ZNF682: variants seen among roughly 807,000 people sequenced by gnomAD.
The protein encoded by ZNF682 is zinc finger protein 682.
ZNF682 carries 29 observed loss-of-function variants against 36.5 expected under a neutral mutation model. The observed-to-expected ratio is 0.80, with a 90% CI of 0.59 to 1.08. The LOEUF is 1.08. Ranked by LOEUF, ZNF682 falls within the 50% of genes least tolerant of loss-of-function variation. ZNF682 has a pLI of 0.00. For missense variants in ZNF682, 561 were observed against 579.7 expected, an observed-to-expected ratio of 0.97 and a Z score of 0.33; for synonymous variants, 180 against 197.0, an observed-to-expected ratio of 0.91 and a Z score of 0.72.
intron 1 of ZNF682, among the ~76,000 whole-genome samples, chr19:20,025,895 G>A (rs8106847): frequency 0.79 from 119,654 of 152,070 alleles, 47,200 homozygotes; most frequent in Middle Eastern, 0.88. Flanking sequence ...ATGTATTTAA[G>A]TAGCCTTTCC....
chr19:20,037,599 C>CT (rs1245524862), intron 1 of ZNF682, among the ~76,000 whole-genome samples: 22 of 151,878 alleles, frequency 1.4e-4, no homozygotes, highest in Admixed American at 1.4e-3. Flanking sequence ...ATTTTCCCGC[C>CT]CCATCCTGCT....
rs183288416 is a variant in ZNF682 at position 20,021,081 on chromosome 19, C to A, written c.226+1923G>T. Among the ~76,000 whole-genome samples, 53 of 152,178 alleles carry A rather than the reference C, an allele frequency of 3.5e-4. 1 individual carries two copies. The highest frequency in any genetic ancestry group is 1.3e-3 in the African/African-American group (53 of 41,506). On this transcript the variant is annotated intron_variant, in intron 3 of 3. Transcript: ENST00000397165. ...ACAGTGGAAGAATTGTCTTGGGCCA[C>A]GCATAAAATACACTAACACTAATGG...
chr19:20,001,344 G>A (rs917497406), downstream of ZNF682, among the ~76,000 whole-genome samples: 2 of 152,184 alleles, frequency 1.3e-5, no homozygotes, highest in African/African-American at 2.4e-5. Context: ...GGGGGAATGT[G>A]CTGTACCAAA....
At chr19:20,009,122 A>G (rs1171425518) in intron 3 of ZNF682, among the ~76,000 whole-genome samples, 1 of 152,228 alleles carries the variant, frequency 6.6e-6, no homozygotes, top group Non-Finnish European at 1.5e-5. Flanking sequence ...CTGGCAATAC[A>G]GAAAGCCAGA....
intron 2 of ZNF682, among the ~76,000 whole-genome samples, chr19:20,023,496 CA>C (rs933876958): frequency 6.7e-6 from 1 of 148,196 alleles, no homozygotes; most frequent in Non-Finnish European, 1.5e-5. Context: ...GACTCCATCT[CA>C]AAAAAAAAGA....
intron 1 of ZNF682, among the ~76,000 whole-genome samples, chr19:20,025,245 G>A (rs1257641821): frequency 6.6e-6 from 1 of 152,152 alleles, no homozygotes; most frequent in African/African-American, 2.4e-5. Context: ...AGAAAGGGAA[G>A]TTTGCAGATT....
rs1375377776 is a variant in ZNF682 at position 20,039,389 on chromosome 19, A to G, written c.-44T>C. ...TCGTGGAGTCTTAGCTCTGGATCTC[A>G]CAGCATCTGCAAGTCAGAGGGCAAC... On this transcript the variant is annotated 5_prime_UTR_variant, in exon 1 of 4. An upstream open reading frame in the 5' UTR loses its in-frame stop. Coordinates refer to ENST00000397165, the MANE Select transcript of ZNF682 (RefSeq NM_033196.3). 6.2e-7 allele frequency: 1 copy of G among 1,609,216 alleles called. No homozygotes were observed.
chr19:20,015,685 C>T (rs1205952816), intron 3 of ZNF682: 2 of 388,456 alleles, frequency 5.1e-6, no homozygotes, highest in Non-Finnish European at 9.1e-6. Flanking sequence ...CAAGAGCATA[C>T]AGTTAGAGCA....
intron 3 of ZNF682, among the ~76,000 whole-genome samples, chr19:20,012,506 G>A (rs909197669): frequency 2.0e-5 from 3 of 152,080 alleles, no homozygotes; most frequent in African/African-American, 7.2e-5. Context: ...GGTGGCTCAC[G>A]CCTGTAATCC....
At chr19:20,021,651 G>A (rs751762187) in intron 3 of ZNF682, among the ~76,000 whole-genome samples, 1 of 151,900 alleles carries the variant, frequency 6.6e-6, no homozygotes, top group Non-Finnish European at 1.5e-5. Context: ...GTAACCACAC[G>A]GTCCCCACAC....
chr19:20,033,127 C>T (rs530667889), intron 1 of ZNF682, among the ~76,000 whole-genome samples: 2 of 152,066 alleles, frequency 1.3e-5, no homozygotes, highest in South Asian at 4.2e-4. Flanking sequence ...ATTAGCCAGG[C>T]GTTGTGGTGG....
At chr19:20,028,994 T>TTTC (rs2122377920) in intron 1 of ZNF682, among the ~76,000 whole-genome samples, 1 of 151,546 alleles carries the variant, frequency 6.6e-6, no homozygotes, top group East Asian at 2.0e-4. Flanking sequence ...TTTTTTTTTT[T>TTTC]TGGAGATAGA....
At chr19:20,011,129 T>C (rs542493565) in intron 3 of ZNF682, among the ~76,000 whole-genome samples, 1 of 151,228 alleles carries the variant, frequency 6.6e-6, no homozygotes, top group East Asian at 1.9e-4. Context: ...ATCACACAAA[T>C]GGGAAAAAAA....
Position 20,006,608 on chromosome 19 carries a change from T to C in ZNF682, c.894A>G (p.Ser298=), listed in dbSNP as rs2088223786. Residue 298 remains serine, a synonymous_variant, in exon 4 of 4, where the codon TCA becomes TCG. Transcript: ENST00000397165. The part of the protein sequence containing the change: ...EDCGRAFNRH[S]HLTKHKTIHT... ...GAATTGTCTTATGTTTGGTGAGATGTGAGTGCCGGTTAAACGCTCTGCCAC... is the reference window on the plus strand; with the variant it reads ...GAATTGTCTTATGTTTGGTGAGATGCGAGTGCCGGTTAAACGCTCTGCCAC... The C allele has an allele frequency of 6.2e-7, 1 of 1,614,194 alleles. No individual in the cohort carries two copies. Among genetic ancestry groups the C allele is most frequent in the Non-Finnish European group, 8.5e-7 (1 of 1,180,028 alleles).
At chr19:20,032,508 A>G (rs2122386637) in intron 1 of ZNF682, among the ~76,000 whole-genome samples, 1 of 152,314 alleles carries the variant, frequency 6.6e-6, no homozygotes, top group South Asian at 2.1e-4. Context: ...GGGTTTGCAC[A>G]ATTGTGGGTT....
intron 1 of ZNF682, among the ~76,000 whole-genome samples, chr19:20,033,115 A>G (rs2088494652): frequency 6.6e-6 from 1 of 152,052 alleles, no homozygotes; most frequent in South Asian, 2.1e-4. Flanking sequence ...AAAATACAAA[A>G]AATTAGCCAG....
chr19:20,026,135 T>C (rs1484820193), intron 1 of ZNF682, among the ~76,000 whole-genome samples: 2 of 151,982 alleles, frequency 1.3e-5, no homozygotes, highest in Non-Finnish European at 2.9e-5. Context: ...ATCCCATCTC[T>C]ACTGAAAAAT....
intron 1 of ZNF682, among the ~76,000 whole-genome samples, chr19:20,028,839 C>T (rs927881040): frequency 2.0e-5 from 3 of 152,164 alleles, no homozygotes; most frequent in Non-Finnish European, 4.4e-5. Flanking sequence ...CAGAAGCACA[C>T]TATAGAGCAT....
chr19:20,001,188 C>T (rs1206209948), downstream of ZNF682, among the ~76,000 whole-genome samples: 2 of 152,182 alleles, frequency 1.3e-5, no homozygotes, highest in Non-Finnish European at 2.9e-5. Flanking sequence ...TACATCAAGC[C>T]ATGAGCATTT....
Sources: gnomAD v4.1 joint callset for allele counts (sites outside exome capture counted in the v4.1 genomes callset) on GRCh38, gnomAD v4.1.1 for gene constraint, MANE v1.5 for transcripts, NCBI Gene and HGNC (gene_info 2026-07-23, HGNC 2026-07-21) for gene names.